Variants in BRI3BP observed in about 807,000 individuals in gnomAD.
The protein encoded by BRI3BP is BRI3-binding protein.
BRI3BP carries 7 observed loss-of-function variants against 15.8 expected under a neutral mutation model. The observed-to-expected ratio is 0.44, with a 90% CI of 0.25 to 0.83. The LOEUF (loss-of-function observed/expected upper bound fraction) is 0.83. Ranked by LOEUF, BRI3BP falls within the 40% of genes least tolerant of loss-of-function variation. BRI3BP has a pLI of 0.20. For missense variants in BRI3BP, 320 were observed against 339.3 expected, an observed-to-expected ratio of 0.94 and a Z score of 0.45; for synonymous variants, 192 against 163.5, an observed-to-expected ratio of 1.17 and a Z score of -1.33.
At chr12:125,041,130 C>A in the BRI3BP span, among the ~76,000 whole-genome samples, 2 of 152,140 alleles carry the variant, frequency 1.3e-5, no homozygotes, top group Non-Finnish European at 2.9e-5. Flanking sequence ...ACTGCAAGCC[C>A]TGCCTCTCGG....
downstream of BRI3BP, among the ~76,000 whole-genome samples, chr12:125,033,749 GT>G (rs112871732): frequency 4.3e-3 from 617 of 144,948 alleles, 5 homozygotes; most frequent in African/African-American, 0.012. Context: ...GTTTTTTTTT[GT>G]TTTTTTTTTT....
In BRI3BP at chr12:125,029,550, GTGTGTGTGTATATATATGTATA is replaced by G. The variant is rs1302011401; in HGVS notation, c.*4122_*4143del. The G allele has an allele frequency of 6.9e-6, 1 of 144,742 alleles. No homozygotes were observed. Among genetic ancestry groups the G allele is most frequent in the African/African-American group, 2.7e-5 (1 of 37,056 alleles). The allele number at this position is 144,742 out of a possible 1,614,324, so 9.0% of individuals were successfully genotyped here. A position where few individuals can be genotyped will look rare whatever the true frequency, so the allele number is the denominator to read the frequency against. On this transcript the variant is annotated 3_prime_UTR_variant, in exon 3 of 3. Transcript: ENST00000341446. Reference sequence around the variant, plus strand: ...CAGTCTCAAAAAAAAAAAAAAGTGTGTGTGTGTGTATATATATGTATATATATATACACACACACACACTTTC... The same window carrying G: ...CAGTCTCAAAAAAAAAAAAAAGTGTGTATATATACACACACACACACTTTC...
intron 2 of BRI3BP, among the ~76,000 whole-genome samples, chr12:125,015,126 G>A (rs891347677): frequency 6.6e-6 from 1 of 152,212 alleles, no homozygotes; most frequent in African/African-American, 2.4e-5. Context: ...AGTCATGTGG[G>A]CTGAAATGTG....
the BRI3BP span, among the ~76,000 whole-genome samples, chr12:125,048,797 G>A: frequency 1.3e-5 from 2 of 152,122 alleles, no homozygotes; most frequent in East Asian, 3.9e-4. Flanking sequence ...TTTAGTCCTT[G>A]CCCTACAAAA....
At chr12:125,048,849 T>TGGG in the BRI3BP span, among the ~76,000 whole-genome samples, 1 of 152,122 alleles carries the variant, frequency 6.6e-6, no homozygotes, top group African/African-American at 2.4e-5. Context: ...GGATTCAGCC[T>TGGG]GGGGTTCCCT....
intron 2 of BRI3BP, among the ~76,000 whole-genome samples, chr12:125,019,046 C>T (rs1319425875): frequency 1.3e-5 from 2 of 152,032 alleles, no homozygotes; most frequent in African/African-American, 2.4e-5. Flanking sequence ...TCAGTAGAGA[C>T]GGTATTTCAC....
At chr12:125,004,045 A>G (rs954837900) in intron 1 of BRI3BP, among the ~76,000 whole-genome samples, 5 of 152,102 alleles carry the variant, frequency 3.3e-5, no homozygotes, top group African/African-American at 1.2e-4. Context: ...ATTCCTTAAC[A>G]TCTAATGCAG....
At chr12:125,049,689 A>G in the BRI3BP span, among the ~76,000 whole-genome samples, 1 of 152,142 alleles carries the variant, frequency 6.6e-6, no homozygotes, top group Non-Finnish European at 1.5e-5. Flanking sequence ...ATTGGCTGGG[A>G]GGTGCGGCCT....
chr12:125,048,255 G>A, the BRI3BP span, among the ~76,000 whole-genome samples: 3 of 152,114 alleles, frequency 2.0e-5, no homozygotes, highest in Non-Finnish European at 4.4e-5. Context: ...CGAAATGCCT[G>A]CCTGGCTCAT....
the BRI3BP span, among the ~76,000 whole-genome samples, chr12:125,045,000 A>G: frequency 2.6e-5 from 4 of 152,208 alleles, no homozygotes; most frequent in Non-Finnish European, 5.9e-5. Flanking sequence ...TACTAAAGAC[A>G]TAATGCCAGT....
chr12:125,039,950 C>T, the BRI3BP span, among the ~76,000 whole-genome samples: 1 of 152,180 alleles, frequency 6.6e-6, no homozygotes, highest in South Asian at 2.1e-4. Context: ...TCTTTAGCTA[C>T]ATATCAGAGA....
downstream of BRI3BP, among the ~76,000 whole-genome samples, chr12:125,035,148 C>T (rs757072003): frequency 3.4e-4 from 51 of 152,176 alleles, no homozygotes; most frequent in Non-Finnish European, 6.3e-4. Flanking sequence ...CGACTATGAA[C>T]ACTTATGTAT....
intron 2 of BRI3BP, among the ~76,000 whole-genome samples, chr12:125,019,558 T>A (rs1955275559): frequency 6.6e-6 from 1 of 151,830 alleles, no homozygotes; most frequent in African/African-American, 2.4e-5. Context: ...CTTCCATATA[T>A]ATTGATGCCA....
At chr12:125,049,870 G>A in the BRI3BP span, among the ~76,000 whole-genome samples, 1 of 152,102 alleles carries the variant, frequency 6.6e-6, no homozygotes, top group Non-Finnish European at 1.5e-5. Flanking sequence ...CGCGGGAAGG[G>A]AGGGGACTGG....
downstream of BRI3BP, chr12:125,031,298 AAG>A (rs1468462391): frequency 6.6e-6 from 1 of 152,216 alleles, no homozygotes; most frequent in African/African-American, 2.4e-5. Context: ...TCGATCTGAG[AAG>A]AGTCATAAAA....
intron 1 of BRI3BP, among the ~76,000 whole-genome samples, chr12:125,002,268 A>G (rs1372657310): frequency 6.6e-6 from 1 of 151,986 alleles, no homozygotes; most frequent in Non-Finnish European, 1.5e-5. Flanking sequence ...TTTGTTTAAC[A>G]CTTTGGGGAA....
At chr12:125,049,639 A>G in the BRI3BP span, among the ~76,000 whole-genome samples, 43 of 152,122 alleles carry the variant, frequency 2.8e-4, no homozygotes, top group African/African-American at 9.9e-4. Context: ...CCCATTGCTA[A>G]GCTCCGATTG....
chr12:125,011,495 A>G (rs918319393), intron 1 of BRI3BP, among the ~76,000 whole-genome samples: 2 of 152,168 alleles, frequency 1.3e-5, no homozygotes, highest in Admixed American at 1.3e-4. Flanking sequence ...TCTGAGTGTG[A>G]GTATCTCCAA....
the BRI3BP span, among the ~76,000 whole-genome samples, chr12:125,043,615 G>C: frequency 6.6e-6 from 1 of 151,892 alleles, no homozygotes; most frequent in Non-Finnish European, 1.5e-5. Context: ...CCAGCACTTT[G>C]GGAGGCCGAG....
Sources: allele counts gnomAD v4.1 joint callset (sites outside exome capture counted in the v4.1 genomes callset), GRCh38; gene constraint gnomAD v4.1.1; transcripts MANE v1.5; gene names NCBI Gene and HGNC (gene_info 2026-07-23, HGNC 2026-07-21).